The following FBN2 variants were observed in gnomAD, a reference collection of about 807,000 sequenced individuals.
The protein encoded by FBN2 is fibrillin 2, also known as fibrillin-2.
A neutral mutation model predicts 355.6 loss-of-function variants in FBN2; 105 were observed. The ratio of observed to expected loss-of-function variants is 0.30; its 90% CI spans 0.25 to 0.35. The LOEUF (loss-of-function observed/expected upper bound fraction) is 0.35, where lower values mean the gene tolerates loss of function less well. Ranked by LOEUF, FBN2 falls within the 10% of genes least tolerant of loss-of-function variation. The pLI is 1.00. For missense variants in FBN2, 3,280 were observed against 3,758.7 expected, an observed-to-expected ratio of 0.87 and a Z score of 3.33; for synonymous variants, 1,350 against 1,301.2, an observed-to-expected ratio of 1.04 and a Z score of -0.81.
chr5:128,454,952 G>T (rs908005560), intron 6 of FBN2, among the ~76,000 whole-genome samples: 1 of 152,144 alleles, frequency 6.6e-6, no homozygotes, highest in Non-Finnish European at 1.5e-5. Context: ...TGAAGCATTT[G>T]AAGTAGTTTA....
intron 11 of FBN2, among the ~76,000 whole-genome samples, chr5:128,388,406 T>C (rs72785130): frequency 0.016 from 2,393 of 152,324 alleles, 21 homozygotes; most frequent in Non-Finnish European, 0.025. Context: ...GTTATACAGA[T>C]TTAATTGTGT....
intron 5 of FBN2, among the ~76,000 whole-genome samples, chr5:128,504,342 C>A (rs927383612): frequency 3.3e-5 from 5 of 152,114 alleles, no homozygotes; most frequent in African/African-American, 1.2e-4. Context: ...CTCCAGACCC[C>A]AGAATGGTAG....
At chr5:128,260,476 A>C (rs1051296309) in intron 64 of FBN2, among the ~76,000 whole-genome samples, 5 of 152,222 alleles carry the variant, frequency 3.3e-5, no homozygotes, top group African/African-American at 1.2e-4. Flanking sequence ...AAATATATCA[A>C]AGTAAGATAG....
At chr5:128,388,210 A>G (rs1173055647) in intron 11 of FBN2, among the ~76,000 whole-genome samples, 1 of 152,100 alleles carries the variant, frequency 6.6e-6, no homozygotes, top group African/African-American at 2.4e-5. Context: ...TTATCTATCC[A>G]TTTACTTTGA....
chr5:128,437,779 TAGATAGATAG>T lies in FBN2; in HGVS notation c.952+8692_952+8701del, dbSNP rs1753808396. 1.3e-4 allele frequency among the ~76,000 whole-genome samples: 5 copies of T among 37,946 alleles called. No homozygotes were observed. The South Asian group carries it at 4.4e-3, about 33-fold the overall frequency. The allele number at this position is 37,946 out of a possible 152,430, so 24.9% of individuals were successfully genotyped here. ...TAGATAAATAGTATGTATGTATAGA[TAGATAGATAG>T]ATAGATAGATAGATAGATAGATAGA... On this transcript the variant is annotated intron_variant, in intron 7 of 64. Transcript: ENST00000262464.
chr5:128,460,303 T>G (rs1366417326), intron 6 of FBN2, among the ~76,000 whole-genome samples: 1 of 152,022 alleles, frequency 6.6e-6, no homozygotes, highest in African/African-American at 2.4e-5. Flanking sequence ...TTACGAGGGA[T>G]GTGAAAGGCC....
chr5:128,327,225 G>A (rs1419702514), intron 34 of FBN2, among the ~76,000 whole-genome samples: 1 of 152,158 alleles, frequency 6.6e-6, no homozygotes, highest in African/African-American at 2.4e-5. Context: ...AAGCACGAAC[G>A]CTTTCAGTTT....
At chr5:128,328,280 C>A in intron 34 of FBN2, 2 of 366,548 alleles carry the variant, frequency 5.5e-6, no homozygotes, top group African/African-American at 2.1e-5. Context: ...ATACAGACAG[C>A]AGTCTCAACC....
chr5:128,291,533 G>C lies in FBN2; in HGVS notation c.6288C>G (p.Cys2096Trp). Residue 2096 changes from cysteine (C) to tryptophan (W), a missense_variant, in exon 49 of 65, where the codon TGC (cysteine) becomes TGG (tryptophan). This residue lies in a region of FBN2 where 2,284 missense variants were observed against 2,749.5 expected (regional missense o/e 0.83). Transcript: ENST00000262464. Reference protein sequence around the residue: ...GFVLSDNGRRCFDTRQSFCFT... With the variant: ...GFVLSDNGRRWFDTRQSFCFT... ...TGAAGTCATGCCAAATCTTACCAAA[G>C]CATCTCCGTCCATTATCAGATAGTA... 6.2e-7 allele frequency: 1 copy of C among 1,613,864 alleles called. No individual in the cohort carries two copies. The highest frequency in any genetic ancestry group is 8.5e-7 in the Non-Finnish European group (1 of 1,179,840).
chr5:128,413,415 A>T (rs1753119076), intron 7 of FBN2, among the ~76,000 whole-genome samples: 1 of 152,170 alleles, frequency 6.6e-6, no homozygotes, highest in African/African-American at 2.4e-5. Flanking sequence ...CTGTGAAAAC[A>T]GGGGGATTGT....
intron 14 of FBN2, among the ~76,000 whole-genome samples, chr5:128,376,263 C>A (rs1752074646): frequency 6.6e-6 from 1 of 152,084 alleles, no homozygotes; most frequent in African/African-American, 2.4e-5. Context: ...TATGTCTTCA[C>A]TAAATCAATG....
At chr5:128,307,357 T>C (rs974507233) in intron 41 of FBN2, among the ~76,000 whole-genome samples, 154 bp from the exon 42 acceptor site, 1 of 152,164 alleles carries the variant, frequency 6.6e-6, no homozygotes, top group Non-Finnish European at 1.5e-5. Context: ...TGCCAGCTTC[T>C]GCTAGGAGTG....
chr5:128,298,534 T>C (rs1749600636), intron 48 of FBN2, among the ~76,000 whole-genome samples: 2 of 152,018 alleles, frequency 1.3e-5, no homozygotes, highest in South Asian at 4.1e-4. Context: ...CTTTGCTCAT[T>C]TCTTTTTATT....
rs1581223848 is a variant in FBN2, at chr5:128,334,984, T to C, written c.3974-140A>G. 4 of 1,159,614 alleles carry C rather than the reference T, an allele frequency of 3.4e-6. 1 individual carries two copies. In the South Asian group the frequency reaches 5.2e-5, roughly 15 times the overall value. The allele number at this position is 1,159,614 out of a possible 1,614,324, so 71.8% of individuals were successfully genotyped here. A position where few individuals can be genotyped will look rare whatever the true frequency, so the allele number is the denominator to read the frequency against. On this transcript the variant is annotated intron_variant, in intron 30 of 64. Coordinates refer to ENST00000262464, the MANE Select transcript of FBN2 (RefSeq NM_001999.4). ...CATCCGCAAATCATCGTGTTATAGA[T>C]AAATATACAACCTGCCTTTAGACAT...
chr5:128,434,394 G>GTATGTATATATATATATATATA (rs1753715365), intron 7 of FBN2, among the ~76,000 whole-genome samples: 2 of 91,678 alleles, frequency 2.2e-5, no homozygotes, highest in African/African-American at 1.2e-4. Flanking sequence ...AATAAAGTGT[G>GTATGTATATATATATATATATA]TATATATATA....
At chr5:128,335,062 T>C in intron 30 of FBN2, 108 bp downstream of exon 30, 1 of 1,515,246 alleles carries the variant, frequency 6.6e-7, no homozygotes, top group Non-Finnish European at 9.1e-7. Flanking sequence ...ATGATTTGAA[T>C]TTTTAAAATA....
intron 36 of FBN2, among the ~76,000 whole-genome samples, chr5:128,316,372 C>G (rs960827567): frequency 1.3e-5 from 2 of 152,160 alleles, no homozygotes; most frequent in Admixed American, 1.3e-4. Context: ...AACAAGATCT[C>G]TTAATATTTT....
chr5:128,405,516 C>G (rs1752903894), intron 8 of FBN2, among the ~76,000 whole-genome samples: 1 of 152,098 alleles, frequency 6.6e-6, no homozygotes, highest in Non-Finnish European at 1.5e-5. Flanking sequence ...GAAAACCCAC[C>G]TTAGTAAATC....
intron 31 of FBN2, 135 bp downstream of exon 31, chr5:128,334,584 C>T (rs1039225951): frequency 2.3e-5 from 22 of 954,172 alleles, no homozygotes; most frequent in Non-Finnish European, 3.3e-5. Context: ...CTATAGGTCA[C>T]ACACTCATCA....
Sources: gnomAD v4.1 joint callset for allele counts (sites outside exome capture counted in the v4.1 genomes callset) on GRCh38, gnomAD v4.1.1 for gene constraint, gnomAD v4.1.1 regional missense constraint, MANE v1.5 for transcripts, NCBI Gene and HGNC (gene_info 2026-07-23, HGNC 2026-07-21) for gene names.